Variants in AKAP19 observed in about 807,000 individuals in gnomAD.
The protein encoded by AKAP19 is A-kinase anchoring protein 19.
chr2:189,923,217 G>A, the AKAP19 span: 7 of 1,000,400 alleles, frequency 7.0e-6, no homozygotes, highest in South Asian at 1.6e-5. Context: ...CCGCGTTGCC[G>A]ACCTCCAGCA....
At chr2:190,076,685 T>A in the AKAP19 span, among the ~76,000 whole-genome samples, 1 of 152,212 alleles carries the variant, frequency 6.6e-6, no homozygotes. Context: ...GTCTTACTCT[T>A]TGGCTACTTT....
chr2:190,079,888 T>TGTGTGTGA, the AKAP19 span: 1 of 97,672 alleles, frequency 1.0e-5, no homozygotes, highest in Non-Finnish European at 2.4e-5. Context: ...TGTGTGTGTG[T>TGTGTGTGA]GTGAGAGAGA....
the AKAP19 span, among the ~76,000 whole-genome samples, chr2:190,163,048 G>C: frequency 6.6e-6 from 1 of 152,176 alleles, no homozygotes; most frequent in African/African-American, 2.4e-5. Context: ...GGATCATCTT[G>C]ATGTAAACAT....
At chr2:189,995,823 G>A in the AKAP19 span, among the ~76,000 whole-genome samples, 5 of 151,952 alleles carry the variant, frequency 3.3e-5, no homozygotes, top group Non-Finnish European at 5.9e-5. Context: ...GCTTGGTAGT[G>A]GTGAATTCTC....
chr2:190,069,175 T>TGTGTGTGTGTGAGAGAGA, the AKAP19 span, among the ~76,000 whole-genome samples: 3 of 123,506 alleles, frequency 2.4e-5, no homozygotes, highest in Admixed American at 8.4e-5. Context: ...TGTGTGTGTG[T>TGTGTGTGTGTGAGAGAGA]GAGAGAGAGA....
At chr2:189,955,004 T>C in the AKAP19 span, among the ~76,000 whole-genome samples, 2 of 152,202 alleles carry the variant, frequency 1.3e-5, no homozygotes, top group Non-Finnish European at 2.9e-5. Flanking sequence ...CATGGATATA[T>C]TGCATAGTGG....
the AKAP19 span, among the ~76,000 whole-genome samples, chr2:190,148,355 C>T: frequency 3.7e-3 from 560 of 152,252 alleles, 3 homozygotes; most frequent in African/African-American, 0.012. Flanking sequence ...TGGTATGAAA[C>T]CCAATTGATT....
chr2:190,181,353 A>G, the AKAP19 span: 1 of 163,912 alleles, frequency 6.1e-6, no homozygotes, highest in East Asian at 1.9e-4. Context: ...AAGGTATCTC[A>G]TTATGAGTTG....
chr2:190,087,351 G>A, the AKAP19 span, among the ~76,000 whole-genome samples: 3 of 152,156 alleles, frequency 2.0e-5, no homozygotes, highest in Non-Finnish European at 2.9e-5. Context: ...AAGCCCACAC[G>A]TGATCAACAT....
the AKAP19 span, among the ~76,000 whole-genome samples, chr2:189,964,020 C>T: frequency 1.3e-5 from 2 of 152,208 alleles, no homozygotes; most frequent in African/African-American, 2.4e-5. Flanking sequence ...TCTCAAAGTA[C>T]TGGGACTGCA....
the AKAP19 span, among the ~76,000 whole-genome samples, chr2:189,948,283 C>T: frequency 6.6e-6 from 1 of 152,024 alleles, no homozygotes. Context: ...TTTTACCAAG[C>T]CTTGTTACAG....
chr2:189,971,057 G>A, the AKAP19 span, among the ~76,000 whole-genome samples: 34 of 151,854 alleles, frequency 2.2e-4, no homozygotes, highest in Middle Eastern at 3.4e-3. Context: ...ATATGTATAC[G>A]TGTGCCTTGT....
At chr2:190,061,818 CTT>C in the AKAP19 span, among the ~76,000 whole-genome samples, 33 of 144,244 alleles carry the variant, frequency 2.3e-4, no homozygotes, top group African/African-American at 7.8e-4. Flanking sequence ...CAGCAAGTTT[CTT>C]TTTTTTTTTC....
At chr2:190,138,273 A>C in the AKAP19 span, among the ~76,000 whole-genome samples, 1 of 152,228 alleles carries the variant, frequency 6.6e-6, no homozygotes, top group Non-Finnish European at 1.5e-5. Context: ...GTGAAGCAGT[A>C]GATGGTAGAG....
chr2:189,996,367 T>C, the AKAP19 span, among the ~76,000 whole-genome samples: 2 of 152,210 alleles, frequency 1.3e-5, no homozygotes, highest in South Asian at 4.1e-4. Context: ...TTCTTTCTTC[T>C]ACTTGTTCTA....
the AKAP19 span, among the ~76,000 whole-genome samples, chr2:189,963,199 C>CT: frequency 0.64 from 87,208 of 136,752 alleles, 30,665 homozygotes; most frequent in South Asian, 0.81. Context: ...CTTCACTTCT[C>CT]TTTTTTTTTT....
At chr2:189,937,869 A>T in the AKAP19 span, among the ~76,000 whole-genome samples, 1 of 152,342 alleles carries the variant, frequency 6.6e-6, no homozygotes, top group East Asian at 1.9e-4. Flanking sequence ...AAAAAACTAA[A>T]AATAAAGCTA....
chr2:190,129,041 C>G, the AKAP19 span, among the ~76,000 whole-genome samples: 5 of 152,156 alleles, frequency 3.3e-5, no homozygotes, highest in South Asian at 1.0e-3. Context: ...TTAGGTTGTA[C>G]ATAACATTCT....
the AKAP19 span, among the ~76,000 whole-genome samples, chr2:190,177,164 T>G: frequency 6.6e-6 from 1 of 152,184 alleles, no homozygotes; most frequent in Non-Finnish European, 1.5e-5. The surrounding 1 kb of genome is among the most constrained non-coding windows in gnomAD (Gnocchi z 4.6). Flanking sequence ...CTTGTTTGCA[T>G]TTACATTTTC....
Sources: gnomAD v4.1 joint callset for allele counts (sites outside exome capture counted in the v4.1 genomes callset) on GRCh38, gnomAD v4.1.1 for gene constraint, Gnocchi (gnomAD v3.1) non-coding constraint, MANE v1.5 for transcripts, NCBI Gene and HGNC (gene_info 2026-07-23, HGNC 2026-07-21) for gene names.